The following LOC128092252 variants were observed in gnomAD, a reference collection of about 807,000 sequenced individuals.
the LOC128092252 span, among the ~76,000 whole-genome samples, chr15:50,674,310 T>G: frequency 6.6e-6 from 1 of 152,148 alleles, no homozygotes; most frequent in Non-Finnish European, 1.5e-5. Flanking sequence ...TTTTGTATTT[T>G]TAGTAGAGAT....
the LOC128092252 span, among the ~76,000 whole-genome samples, chr15:50,678,625 T>C: frequency 6.6e-6 from 1 of 150,638 alleles, no homozygotes; most frequent in South Asian, 2.1e-4. Flanking sequence ...ACTCAACTAA[T>C]TAATAATTAG....
chr15:50,663,063 TA>T, the LOC128092252 span: 1 of 1,591,318 alleles, frequency 6.3e-7, no homozygotes, highest in South Asian at 1.1e-5. Flanking sequence ...CAAAATGTTT[TA>T]AAGAATTGTT....
chr15:50,670,228 C>T, the LOC128092252 span, among the ~76,000 whole-genome samples: 1 of 152,012 alleles, frequency 6.6e-6, no homozygotes, highest in African/African-American at 2.4e-5. Flanking sequence ...GAAGGATTCT[C>T]TTATAAAAGA....
the LOC128092252 span, among the ~76,000 whole-genome samples, chr15:50,660,932 T>C: frequency 6.6e-6 from 1 of 151,932 alleles, no homozygotes; most frequent in Non-Finnish European, 1.5e-5. Flanking sequence ...GTAGAACAGG[T>C]ATATAAATTG....
chr15:50,660,928 C>T, the LOC128092252 span, among the ~76,000 whole-genome samples: 2 of 151,262 alleles, frequency 1.3e-5, no homozygotes, highest in Admixed American at 6.6e-5. Context: ...AATAGTAGAA[C>T]AGGTATATAA....
the LOC128092252 span, among the ~76,000 whole-genome samples, chr15:50,662,050 T>G: frequency 6.6e-6 from 1 of 151,718 alleles, no homozygotes; most frequent in Non-Finnish European, 1.5e-5. Context: ...AAACCCTGTT[T>G]CTACTAAAAA....
At chr15:50,665,526 C>A in the LOC128092252 span, among the ~76,000 whole-genome samples, 1 of 151,948 alleles carries the variant, frequency 6.6e-6, no homozygotes, top group African/African-American at 2.4e-5. Context: ...AAATTTTAAA[C>A]CACCAACATT....
At chr15:50,662,123 G>A in the LOC128092252 span, among the ~76,000 whole-genome samples, 1 of 152,118 alleles carries the variant, frequency 6.6e-6, no homozygotes, top group African/African-American at 2.4e-5. Flanking sequence ...GGGAGGCCAA[G>A]GCAGGTGGAT....
the LOC128092252 span, among the ~76,000 whole-genome samples, chr15:50,674,982 C>G: frequency 6.6e-6 from 1 of 152,150 alleles, no homozygotes; most frequent in Non-Finnish European, 1.5e-5. Flanking sequence ...TTGTGTCACT[C>G]CCATACTCAC....
At chr15:50,677,085 C>T in the LOC128092252 span, among the ~76,000 whole-genome samples, 1 of 152,152 alleles carries the variant, frequency 6.6e-6, no homozygotes, top group Non-Finnish European at 1.5e-5. Flanking sequence ...GGGATAACAA[C>T]TGAAACAAAT....
At chr15:50,650,256 G>T in the LOC128092252 span, among the ~76,000 whole-genome samples, 1 of 145,296 alleles carries the variant, frequency 6.9e-6, no homozygotes, top group Admixed American at 6.9e-5. Flanking sequence ...AAAGCTACTG[G>T]ACAGCAATAG....
At chr15:50,678,796 A>G in the LOC128092252 span, among the ~76,000 whole-genome samples, 2 of 152,130 alleles carry the variant, frequency 1.3e-5, no homozygotes, top group Non-Finnish European at 2.9e-5. Context: ...TTGGGAGGCC[A>G]AGGCAAGAGG....
chr15:50,661,780 A>C, the LOC128092252 span, among the ~76,000 whole-genome samples: 1 of 152,202 alleles, frequency 6.6e-6, no homozygotes, highest in Non-Finnish European at 1.5e-5. Flanking sequence ...ACGGAAAAGG[A>C]AGGAAGATTC....
chr15:50,654,602 CATA>C, the LOC128092252 span, among the ~76,000 whole-genome samples: 3 of 151,538 alleles, frequency 2.0e-5, no homozygotes, highest in East Asian at 5.8e-4. Context: ...AATAGACAGT[CATA>C]ATGAGAGTGC....
the LOC128092252 span, among the ~76,000 whole-genome samples, chr15:50,682,186 A>AAAAAAAAAAAAAAAG: frequency 6.7e-6 from 1 of 148,442 alleles, no homozygotes; most frequent in Non-Finnish European, 1.5e-5. Flanking sequence ...AAAAAAAAAA[A>AAAAAAAAAAAAAAAG]AAAAAGGACT....
the LOC128092252 span, among the ~76,000 whole-genome samples, chr15:50,667,040 T>C: frequency 2.0e-5 from 3 of 152,084 alleles, no homozygotes; most frequent in Non-Finnish European, 4.4e-5. Flanking sequence ...AGGACCCCTT[T>C]CTGGTAACAT....
the LOC128092252 span, among the ~76,000 whole-genome samples, chr15:50,663,988 G>GA: frequency 6.6e-6 from 1 of 151,716 alleles, no homozygotes; most frequent in South Asian, 2.1e-4. Context: ...AAAAAAACCT[G>GA]AAAAAAAGAC....
the LOC128092252 span, among the ~76,000 whole-genome samples, chr15:50,659,743 C>T: frequency 6.6e-6 from 1 of 152,042 alleles, no homozygotes; most frequent in Admixed American, 6.6e-5. Context: ...TGTCAGCTCA[C>T]TGCAACCTCC....
At chr15:50,686,696 C>T in the LOC128092252 span, 1 of 882,294 alleles carries the variant, frequency 1.1e-6, no homozygotes, top group Non-Finnish European at 1.7e-6. Context: ...CCGGCGCTAG[C>T]AGCAGAAGCC....
Sources: allele counts gnomAD v4.1 joint callset (sites outside exome capture counted in the v4.1 genomes callset), GRCh38; gene constraint gnomAD v4.1.1; transcripts MANE v1.5.